SLC9A9: variants seen among roughly 807,000 people sequenced by gnomAD.
SLC9A9 encodes the protein solute carrier family 9 member A9, also known as sodium/hydrogen exchanger 9.
A neutral mutation model predicts 77.8 loss-of-function variants in SLC9A9; 62 were observed. The ratio of observed to expected loss-of-function variants is 0.80; its 90% confidence interval spans 0.65 to 0.98. The LOEUF is 0.98. Ranked by LOEUF, SLC9A9 falls within the 50% of genes least tolerant of loss-of-function variation. The pLI is 0.00. For missense variants in SLC9A9, 775 were observed against 774.9 expected (o/e 1.00, Z 0.00); for synonymous variants, 320 against 283.5 (o/e 1.13, Z -1.29).
chr3:143,529,637 C>T (rs746950322), intron 9 of SLC9A9, among the ~76,000 whole-genome samples: 8 of 152,078 alleles, frequency 5.3e-5, no homozygotes, highest in Non-Finnish European at 8.8e-5. Flanking sequence ...TTTTCAATTC[C>T]AAGGACTCAG....
At chr3:143,561,432 G>GA (rs551665207) in intron 8 of SLC9A9, among the ~76,000 whole-genome samples, 1 of 151,984 alleles carries the variant, frequency 6.6e-6, no homozygotes, top group Non-Finnish European at 1.5e-5. Flanking sequence ...AATGTAAGCA[G>GA]AAAAAACTTA....
chr3:143,427,594 A>G (rs77886361), intron 12 of SLC9A9, among the ~76,000 whole-genome samples: 4,716 of 152,346 alleles, frequency 0.031, 120 homozygotes, highest in Admixed American at 0.075. Context: ...TGTGGGGCAT[A>G]TAGAAAATGG....
intron 9 of SLC9A9, among the ~76,000 whole-genome samples, chr3:143,514,059 T>A (rs2036163191): frequency 6.6e-6 from 1 of 152,132 alleles, no homozygotes; most frequent in Non-Finnish European, 1.5e-5. Context: ...AGTGATCTCA[T>A]TGTTCAATTC....
intron 14 of SLC9A9, among the ~76,000 whole-genome samples, chr3:143,319,450 G>A (rs751453506): frequency 3.9e-5 from 6 of 152,190 alleles, no homozygotes; most frequent in Non-Finnish European, 7.3e-5. Context: ...GAAGACCAGA[G>A]CTCTACCTAA....
intron 5 of SLC9A9, among the ~76,000 whole-genome samples, chr3:143,681,566 T>C (rs1429049942): frequency 6.6e-6 from 1 of 152,242 alleles, no homozygotes. Flanking sequence ...TGGGAATATA[T>C]TGTTGAACAG....
At chr3:143,282,299 A>G (rs1938244364) in intron 14 of SLC9A9, among the ~76,000 whole-genome samples, 2 of 152,310 alleles carry the variant, frequency 1.3e-5, no homozygotes, top group Non-Finnish European at 2.9e-5. Flanking sequence ...AAGATTTACT[A>G]AGGTTGACCT....
At chr3:143,689,334 C>T (rs1419571064) in intron 5 of SLC9A9, among the ~76,000 whole-genome samples, 1 of 152,108 alleles carries the variant, frequency 6.6e-6, no homozygotes, top group Non-Finnish European at 1.5e-5. Context: ...AAATTTCTAT[C>T]AATAGAAGAC....
rs60773685 is a variant in SLC9A9 at position 143,606,436 on chromosome 3, CTA to C, written c.756-27715_756-27714del. Among the ~76,000 whole-genome samples the C allele has an allele frequency of 9.6e-3, 522 of 54,180 alleles. 11 individuals carry two copies. The highest frequency in any genetic ancestry group is 0.033 in the African/African-American group (432 of 13,030). 35.5% of individuals were successfully genotyped at this position (54,180 alleles called of 152,430 possible). The stretch of plus-strand genomic sequence containing the variant: ...TCTCTCTCTCTCTCTCTCTCTCTCT[CTA>C]TATATATATATATATATATATATGT... On this transcript the variant is annotated intron_variant, in intron 6 of 15. Transcript: ENST00000316549.
chr3:143,394,603 G>A (rs1327225021), intron 12 of SLC9A9, among the ~76,000 whole-genome samples: 3 of 152,162 alleles, frequency 2.0e-5, no homozygotes, highest in African/African-American at 4.8e-5. Flanking sequence ...TCTGGCCAGG[G>A]CAATCAGACA....
intron 14 of SLC9A9, among the ~76,000 whole-genome samples, chr3:143,347,727 T>A (rs2032329579): frequency 6.6e-6 from 1 of 152,202 alleles, no homozygotes; most frequent in Non-Finnish European, 1.5e-5. Flanking sequence ...TCTGATAGAC[T>A]TGGGACAGCT....
chr3:143,467,245 T>G, intron 11 of SLC9A9, 55 bp from the exon 12 acceptor site: 1 of 1,602,916 alleles, frequency 6.2e-7, no homozygotes, highest in Non-Finnish European at 8.5e-7. Flanking sequence ...CTTTTTCATT[T>G]CAATGGATTC....
intron 3 of SLC9A9, among the ~76,000 whole-genome samples, chr3:143,795,311 G>A (rs1009880712): frequency 6.8e-5 from 10 of 147,128 alleles, no homozygotes; most frequent in Admixed American, 5.4e-4. Flanking sequence ...CCCACTGGAA[G>A]ATGAGTAGGT....
intron 14 of SLC9A9, among the ~76,000 whole-genome samples, chr3:143,298,820 C>A (rs940261702): frequency 1.3e-5 from 2 of 152,164 alleles, no homozygotes; most frequent in African/African-American, 4.8e-5. Flanking sequence ...GGAATCCAAT[C>A]ATTCTAGATA....
chr3:143,492,036 T>C (rs1480450427), intron 11 of SLC9A9, among the ~76,000 whole-genome samples: 1 of 152,160 alleles, frequency 6.6e-6, no homozygotes, highest in East Asian at 1.9e-4. Context: ...CTCAAGCCTG[T>C]AATCCCAGCA....
chr3:143,347,678 C>G (rs986940400), intron 14 of SLC9A9, among the ~76,000 whole-genome samples: 1 of 152,072 alleles, frequency 6.6e-6, no homozygotes, highest in Non-Finnish European at 1.5e-5. Flanking sequence ...ACAAAAAGAC[C>G]ACCAATATTG....
intron 4 of SLC9A9, among the ~76,000 whole-genome samples, chr3:143,762,030 T>A (rs1301679747): frequency 2.6e-5 from 4 of 152,232 alleles, no homozygotes; most frequent in African/African-American, 9.6e-5. Context: ...GATGGGTTCA[T>A]GTCCTTTGTA....
intron 2 of SLC9A9, among the ~76,000 whole-genome samples, chr3:143,816,226 C>T (rs546342260): frequency 6.6e-6 from 1 of 152,198 alleles, no homozygotes; most frequent in East Asian, 1.9e-4. Flanking sequence ...ATATTCGAGA[C>T]AGGGTCTTGC....
chr3:143,783,604 T>TG (rs2007952125), intron 4 of SLC9A9, among the ~76,000 whole-genome samples: 1 of 152,076 alleles, frequency 6.6e-6, no homozygotes, highest in African/African-American at 2.4e-5. Context: ...AACTATAACA[T>TG]GGATGAATGT....
intron 8 of SLC9A9, among the ~76,000 whole-genome samples, chr3:143,571,815 G>T (rs755051614): frequency 6.6e-6 from 1 of 152,302 alleles, no homozygotes; most frequent in Non-Finnish European, 1.5e-5. Flanking sequence ...CCTGTGATGT[G>T]CATGGCTTAT....
Sources: gnomAD v4.1 joint callset for allele counts (sites outside exome capture counted in the v4.1 genomes callset) on GRCh38, gnomAD v4.1.1 for gene constraint, MANE v1.5 for transcripts, NCBI Gene and HGNC (gene_info 2026-07-23, HGNC 2026-07-21) for gene names.